The following ANOS1 variants were observed in gnomAD, a reference collection of about 807,000 sequenced individuals.
ANOS1 encodes anosmin 1.
Under a neutral mutation model 59.0 loss-of-function variants are expected in ANOS1, and 6 were observed. That is an observed-to-expected ratio of 0.10 (90% CI 0.06 to 0.20). The LOEUF is 0.20. Ranked by LOEUF, ANOS1 falls within the 10% of genes least tolerant of loss-of-function variation. The pLI is 1.00. For missense variants in ANOS1, 433 were observed against 542.3 expected (o/e 0.80, Z 2.00); for synonymous variants, 217 against 223.4 (o/e 0.97, Z 0.25).
At chrX:8,539,901 G>A in intron 9 of ANOS1, 143 bp from the exon 10 acceptor site, 17 of 714,524 alleles carry the variant, frequency 2.4e-5, no homozygotes, top group African/African-American at 4.4e-5. Flanking sequence ...GCCAAAGGAG[G>A]TGAGATTCTG....
At chrX:8,655,813 G>A (rs1478422258) in intron 2 of ANOS1, among the ~76,000 whole-genome samples, 1 of 112,342 alleles carries the variant, frequency 8.9e-6, no homozygotes, top group Non-Finnish European at 1.9e-5. Context: ...ATCTTATAAA[G>A]CACTTCTAAT....
intron 3 of ANOS1, among the ~76,000 whole-genome samples, chrX:8,600,038 A>G (rs1200488733): frequency 2.7e-5 from 3 of 112,260 alleles, no homozygotes; most frequent in Non-Finnish European, 5.6e-5. Flanking sequence ...GGAATATCTT[A>G]GTAATCCTAG....
At chrX:8,714,680 C>T (rs767962899) in intron 1 of ANOS1, among the ~76,000 whole-genome samples, 1 of 111,077 alleles carries the variant, frequency 9.0e-6, no homozygotes, top group African/African-American at 3.3e-5. Flanking sequence ...CTAGGAGATG[C>T]AGGACTTAGT....
intron 9 of ANOS1, among the ~76,000 whole-genome samples, chrX:8,545,126 G>A (rs756910448): frequency 2.9e-5 from 3 of 103,713 alleles, no homozygotes; most frequent in African/African-American, 1.1e-4. Flanking sequence ...GGTGGTGCAT[G>A]TCTGTAGTTC....
chrX:8,706,475 C>G (rs776711570), intron 1 of ANOS1, among the ~76,000 whole-genome samples: 22 of 112,206 alleles, frequency 2.0e-4, no homozygotes, highest in Non-Finnish European at 3.6e-4. Context: ...ACTATAGATA[C>G]AAGTCATTAT....
rs746899870 is a variant in ANOS1, at chrX:8,531,912, T to G, written c.*1083A>C. 4.9e-4 allele frequency: 55 copies of G among 111,869 alleles called. No individual in the cohort carries two copies. The highest frequency in any genetic ancestry group is 7.7e-4 in the Non-Finnish European group (41 of 53,201). 9.2% of individuals were successfully genotyped at this position (111,869 alleles called of 1,213,427 possible). On this transcript the variant is annotated 3_prime_UTR_variant, in exon 14 of 14. Coordinates refer to ENST00000262648, the MANE Select transcript of ANOS1 (RefSeq NM_000216.4). ...GACTTAAGTTCATGCTACAAGGCAC[T>G]AATTTGTAGCATAAAACATTTCCAA...
At chrX:8,613,144 AAT>A (rs1328733396) in intron 3 of ANOS1, among the ~76,000 whole-genome samples, 1 of 112,364 alleles carries the variant, frequency 8.9e-6, no homozygotes, top group Non-Finnish European at 1.9e-5. Flanking sequence ...TGAATAATAA[AAT>A]AGTGTTTTTT....
intron 2 of ANOS1, among the ~76,000 whole-genome samples, chrX:8,631,220 G>A (rs6654877): frequency 0.031 from 3,503 of 112,199 alleles, 107 homozygotes; most frequent in African/African-American, 0.096. Context: ...AAAGGTTAAA[G>A]CTAATGATGG....
At chrX:8,571,577 T>G (rs1447824726) in intron 6 of ANOS1, among the ~76,000 whole-genome samples, 1 of 112,224 alleles carries the variant, frequency 8.9e-6, no homozygotes, top group East Asian at 2.8e-4. Flanking sequence ...TAGCATTCAT[T>G]TTTGTGATTG....
At chrX:8,691,791 A>T (rs1459978841) in intron 2 of ANOS1, among the ~76,000 whole-genome samples, 1 of 112,412 alleles carries the variant, frequency 8.9e-6, no homozygotes, top group Non-Finnish European at 1.9e-5. Context: ...TACTTTTGCC[A>T]ATTTTCAAAT....
intron 2 of ANOS1, among the ~76,000 whole-genome samples, chrX:8,666,053 T>A (rs1212214365): frequency 9.2e-6 from 1 of 108,982 alleles, no homozygotes; most frequent in African/African-American, 3.4e-5. Context: ...AAAAAAAAAA[T>A]TAATTAGCTG....
At chrX:8,675,114 G>T (rs1932315918) in intron 2 of ANOS1, among the ~76,000 whole-genome samples, 1 of 111,041 alleles carries the variant, frequency 9.0e-6, no homozygotes, top group Non-Finnish European at 1.9e-5. Flanking sequence ...GGTCTAGTTC[G>T]TCTGGGCTCC....
At chrX:8,612,350 T>C (rs1931073335) in intron 3 of ANOS1, among the ~76,000 whole-genome samples, 1 of 111,001 alleles carries the variant, frequency 9.0e-6, no homozygotes, top group Admixed American at 9.6e-5. Flanking sequence ...AAATAGTGCA[T>C]AGGGCAAAAT....
intron 3 of ANOS1, among the ~76,000 whole-genome samples, chrX:8,619,518 T>G (rs1403100125): frequency 9.0e-6 from 1 of 110,684 alleles, no homozygotes; most frequent in Non-Finnish European, 1.9e-5. Context: ...GCAGGAGAAT[T>G]GCTGGAACCT....
chrX:8,685,300 T>A (rs1310250121), intron 2 of ANOS1, among the ~76,000 whole-genome samples: 1 of 109,653 alleles, frequency 9.1e-6, no homozygotes, highest in Admixed American at 1.0e-4. Flanking sequence ...GCCATTCCAT[T>A]ATCGTTAAAT....
chrX:8,700,800 G>C (rs904708674), intron 1 of ANOS1, among the ~76,000 whole-genome samples: 2 of 111,725 alleles, frequency 1.8e-5, no homozygotes, highest in African/African-American at 3.3e-5. Context: ...CCTGAGGTCA[G>C]GAGTTCGAGA....
chrX:8,715,838 C>T (rs1332432046), intron 1 of ANOS1, among the ~76,000 whole-genome samples: 1 of 110,139 alleles, frequency 9.1e-6, no homozygotes, highest in Non-Finnish European at 1.9e-5. Flanking sequence ...AGGCTGTGAT[C>T]GTCCCTCCTC....
rs1184898878 is a variant in ANOS1, at chrX:8,530,450, TA to T, written c.*2544del. The T allele has an allele frequency of 3.6e-5, 4 of 111,827 alleles. No homozygotes were observed. Among genetic ancestry groups the T allele is most frequent in the African/African-American group, 1.3e-4 (4 of 30,874 alleles). The allele number at this position is 111,827 out of a possible 1,213,427, so 9.2% of individuals were successfully genotyped here. Reference sequence around the variant, plus strand: ...TTTAAAATTCAAAAAATTATAACTATATTTTTGATCATTTGAATAATACTGG... The same window carrying T: ...TTTAAAATTCAAAAAATTATAACTATTTTTTGATCATTTGAATAATACTGG... On this transcript the variant is annotated 3_prime_UTR_variant, in exon 14 of 14. Coordinates refer to ENST00000262648, the MANE Select transcript of ANOS1 (RefSeq NM_000216.4).
intron 2 of ANOS1, among the ~76,000 whole-genome samples, chrX:8,644,984 A>G (rs765758131): frequency 1.8e-5 from 2 of 112,564 alleles, no homozygotes; most frequent in Non-Finnish European, 3.7e-5. Flanking sequence ...ACATGTTCTC[A>G]GGACCTTCTG....
Sources: allele counts gnomAD v4.1 joint callset (sites outside exome capture counted in the v4.1 genomes callset), GRCh38; gene constraint gnomAD v4.1.1; transcripts MANE v1.5; gene names NCBI Gene and HGNC (gene_info 2026-07-23, HGNC 2026-07-21).